Variants in OLFM2 observed in about 807,000 individuals in gnomAD.
The protein encoded by OLFM2 is noelin-2.
A neutral mutation model predicts 43.9 loss-of-function variants in OLFM2; 20 were observed. That is an observed-to-expected ratio of 0.46 (90% CI 0.32 to 0.66). OLFM2 has a LOEUF of 0.66. Among genes scored for constraint, OLFM2 ranks in the 30% least tolerant of loss-of-function variants. The probability of loss-of-function intolerance (pLI) is 0.04; values close to 1 mark genes in which losing one functional copy is unlikely to be tolerated. For synonymous variants in OLFM2, 268 were observed against 278.6 expected (o/e 0.96, Z 0.38); for missense variants, 416 against 643.6 (o/e 0.65, Z 3.83).
intron 1 of OLFM2, among the ~76,000 whole-genome samples, chr19:9,876,863 C>T (rs1599475144): frequency 6.6e-6 from 1 of 152,108 alleles, no homozygotes; most frequent in South Asian, 2.1e-4. Flanking sequence ...GTGTTGGAAA[C>T]GTAATCCATT....
intron 1 of OLFM2, among the ~76,000 whole-genome samples, chr19:9,933,998 G>A (rs2086500113): frequency 6.6e-6 from 1 of 152,166 alleles, no homozygotes; most frequent in Non-Finnish European, 1.5e-5. Flanking sequence ...AGGAGAGCAG[G>A]GATTTGATGA....
chr19:9,883,136 G>A (rs1323412782), intron 1 of OLFM2, among the ~76,000 whole-genome samples: 1 of 151,746 alleles, frequency 6.6e-6, no homozygotes, highest in Admixed American at 6.6e-5. Flanking sequence ...CTTGAATCCG[G>A]GGGTGGAGGT....
chr19:9,913,886 G>A (rs1443234535), intron 1 of OLFM2: 1 of 157,734 alleles, frequency 6.3e-6, no homozygotes, highest in Non-Finnish European at 1.4e-5. Context: ...ACTTCCAGCC[G>A]CCGTGACGTC....
intron 2 of OLFM2, among the ~76,000 whole-genome samples, chr19:9,859,815 A>G (rs1015208642): frequency 1.3e-5 from 2 of 151,998 alleles, no homozygotes; most frequent in Non-Finnish European, 2.9e-5. Context: ...CCCCCACCCC[A>G]ATCCCAGTAA....
chr19:9,871,897 G>C (rs929472148), intron 1 of OLFM2, among the ~76,000 whole-genome samples: 2 of 152,236 alleles, frequency 1.3e-5, no homozygotes, highest in Admixed American at 1.3e-4. Flanking sequence ...GTGGGACAGA[G>C]AGCAAACACC....
At chr19:9,907,322 G>A (rs139129542) in intron 1 of OLFM2, among the ~76,000 whole-genome samples, 2,062 of 152,184 alleles carry the variant, frequency 0.014, 32 homozygotes, top group African/African-American at 0.047. Flanking sequence ...AGGCAGGGTG[G>A]CGCACACCTG....
intron 1 of OLFM2, among the ~76,000 whole-genome samples, chr19:9,904,152 TTGTGTGTGTGTGTGTG>T (rs56281493): frequency 1.3e-3 from 165 of 127,272 alleles, no homozygotes; most frequent in East Asian, 4.2e-3. Flanking sequence ...TGAGTATTGT[TTGTGTGTGTGTGTGTG>T]TGTGTGTGTG....
rs750019375 is a variant in OLFM2 at position 9,854,277 on chromosome 19, C to T, written c.1274G>A (p.Arg425Gln). 2.5e-6 allele frequency: 4 copies of T among 1,614,056 alleles called. No individual in the cohort carries two copies. Among genetic ancestry groups the T allele is most frequent in the Admixed American group, 1.7e-5 (1 of 60,008 alleles). Reference protein sequence around the residue: ...SHISMLDYNPRERALYTWNNG... With the variant: ...SHISMLDYNPQERALYTWNNG... ...GTTCCAGGTATAGAGGGCGCGCTCC[C>T]GGGGGTTGTAATCCAGCATCGAGAT... Residue 425 changes from arginine (R) to glutamine (Q), a missense_variant, in exon 6 of 6, where the codon CGG becomes CAG. By Grantham distance (43) the Arg-to-Gln change is conservative. Coordinates refer to ENST00000264833, the MANE Select transcript of OLFM2 (RefSeq NM_058164.4). This position sits in a 1 kb window ranked among gnomAD's most constrained non-coding sequence, Gnocchi z 9.5.
chr19:9,911,209 G>A (rs1221180671), intron 1 of OLFM2, among the ~76,000 whole-genome samples: 1 of 152,146 alleles, frequency 6.6e-6, no homozygotes, highest in Non-Finnish European at 1.5e-5. Context: ...CAGAGTCATA[G>A]AGCAAGTTGG....
At chr19:9,913,497 C>T in intron 1 of OLFM2, 6 of 1,131,674 alleles carry the variant, frequency 5.3e-6, no homozygotes, top group African/African-American at 3.3e-5. Context: ...TTCTCAGAGG[C>T]GCCCGCACGG....
chr19:9,878,887 C>T (rs552738845), intron 1 of OLFM2, among the ~76,000 whole-genome samples: 1 of 152,224 alleles, frequency 6.6e-6, no homozygotes, highest in African/African-American at 2.4e-5. Flanking sequence ...GACTCGGTAG[C>T]CCAGGCTGGA....
intron 1 of OLFM2, among the ~76,000 whole-genome samples, chr19:9,905,531 C>T (rs1449207082): frequency 6.6e-6 from 1 of 151,498 alleles, no homozygotes; most frequent in African/African-American, 2.4e-5. Flanking sequence ...GTTCCAGTTA[C>T]TCAGGAGGCT....
Position 9,857,121 on chromosome 19 carries a change from T to C in OLFM2, c.580+142A>G. 2.2e-6 allele frequency: 2 copies of C among 889,604 alleles called. No individual in the cohort carries two copies. The highest frequency in any genetic ancestry group is 4.2e-5 in the Admixed American group (2 of 47,826). 55.1% of individuals were successfully genotyped at this position (889,604 alleles called of 1,614,324 possible). A position where few individuals can be genotyped will look rare whatever the true frequency, so the allele number is the denominator to read the frequency against. ...CATTTCCAGCTTCTGGACTCAAGTG[T>C]AGCCTTAGGTAGGAAGGTCAAGGGT... On this transcript the variant is annotated intron_variant, in intron 4 of 5. Coordinates refer to ENST00000264833, the MANE Select transcript of OLFM2 (RefSeq NM_058164.4). This position sits in a 1 kb window ranked among gnomAD's most constrained non-coding sequence, Gnocchi z 5.7.
intron 1 of OLFM2, among the ~76,000 whole-genome samples, chr19:9,897,327 CA>C (rs1160281673): frequency 0.25 from 23,456 of 93,320 alleles, 2,328 homozygotes; most frequent in African/African-American, 0.41. Flanking sequence ...GACTTCGTCT[CA>C]AAAAAAAAAA....
chr19:9,877,997 C>T (rs190392878), intron 1 of OLFM2, among the ~76,000 whole-genome samples: 3 of 152,248 alleles, frequency 2.0e-5, no homozygotes, highest in East Asian at 1.9e-4. Context: ...GGACTACACA[C>T]GTGCCACCAC....
intron 1 of OLFM2, among the ~76,000 whole-genome samples, chr19:9,931,068 A>T (rs1276812263): frequency 6.6e-6 from 1 of 151,990 alleles, no homozygotes; most frequent in Admixed American, 6.6e-5. Flanking sequence ...AAGCTCCATA[A>T]TCTTAAATCC....
chr19:9,892,890 G>A (rs955000403), intron 1 of OLFM2, among the ~76,000 whole-genome samples: 1 of 152,064 alleles, frequency 6.6e-6, no homozygotes, highest in African/African-American at 2.4e-5. Context: ...CAAGGTTCTG[G>A]TCTGATCTGT....
At chr19:9,918,769 G>T (rs1568386235) in intron 1 of OLFM2, among the ~76,000 whole-genome samples, 1 of 152,288 alleles carries the variant, frequency 6.6e-6, no homozygotes, top group East Asian at 1.9e-4. Context: ...AGACGCAAAA[G>T]ACCACATAGT....
chr19:9,897,231 A>G (rs2046693619), intron 1 of OLFM2, among the ~76,000 whole-genome samples: 1 of 151,340 alleles, frequency 6.6e-6, no homozygotes, highest in African/African-American at 2.4e-5. Flanking sequence ...TGGGAGGCTG[A>G]GGCAGGAGAA....
Sources: gnomAD v4.1 joint callset for allele counts (sites outside exome capture counted in the v4.1 genomes callset) on GRCh38, gnomAD v4.1.1 for gene constraint, Gnocchi (gnomAD v3.1) non-coding constraint, MANE v1.5 for transcripts, NCBI Gene and HGNC (gene_info 2026-07-23, HGNC 2026-07-21) for gene names.